SPAG8: variants seen among roughly 807,000 people sequenced by gnomAD.
The protein encoded by SPAG8 is sperm-associated antigen 8.
SPAG8 carries 36 observed loss-of-function variants against 45.3 expected under a neutral mutation model. The observed-to-expected ratio is 0.80, with a 90% CI of 0.61 to 1.05. SPAG8 has a LOEUF of 1.05. Ranked by LOEUF, SPAG8 falls within the 50% of genes least tolerant of loss-of-function variation. The pLI is 0.00. For missense variants in SPAG8, 573 were observed against 609.2 expected, an observed-to-expected ratio of 0.94 and a Z score of 0.63; for synonymous variants, 227 against 232.6, an observed-to-expected ratio of 0.98 and a Z score of 0.22.
Position 35,811,963 on chromosome 9 carries a change from G to C in SPAG8, c.83C>G (p.Pro28Arg), listed in dbSNP as rs768994129. Residue 28 changes from proline to arginine, a missense_variant, in exon 2 of 7, where the codon CCC (proline) becomes CGC (arginine). By Grantham distance (103) the Pro-to-Arg change is moderately radical (BLOSUM62 -2). Transcript: ENST00000396638. ...TGAAGAAGGAAACGGTTCCGAAGTG[G>C]GCCCCAGTCCTTCGGAGCTGGGCTG... ...DIQPSSEGLGPTSEPFPSSDD... is the reference protein window; with the variant it reads ...DIQPSSEGLGRTSEPFPSSDD... 3.5e-5 allele frequency: 56 copies of C among 1,599,842 alleles called. No homozygotes were observed. Among genetic ancestry groups the C allele is most frequent in the Non-Finnish European group, 4.6e-5 (54 of 1,170,180 alleles).
rs772058425 is a variant in SPAG8 at position 35,810,691 on chromosome 9, G to A, written c.1040-9C>T. 6.2e-7 allele frequency: 1 copy of A among 1,614,154 alleles called. No individual in the cohort carries two copies. Among genetic ancestry groups the A allele is most frequent in the South Asian group, 1.1e-5 (1 of 91,082 alleles). ...CATGGCTTCACGCTTCCCTGTGAGAGAGTTGGGGGGTGGGCAAGGTGGGGT... is the reference window on the plus strand; with the variant it reads ...CATGGCTTCACGCTTCCCTGTGAGAAAGTTGGGGGGTGGGCAAGGTGGGGT... On this transcript the variant is annotated splice_polypyrimidine_tract_variant and intron_variant, in intron 3 of 6. Transcript: ENST00000396638.
In SPAG8 at chr9:35,811,867, G is replaced by C. The variant is rs149894384; in HGVS notation, c.179C>G (p.Ala60Gly). ...AAAAAASAAA[A>G]TAAFTTAKAA... is the part of the protein sequence containing the mutation. Reference sequence around the variant, plus strand: ...TTTGGCAGTGGTGAAGGCTGCAGTAGCTGCAGCAGCTGATGCAGCCGCTGC... The same window carrying C: ...TTTGGCAGTGGTGAAGGCTGCAGTACCTGCAGCAGCTGATGCAGCCGCTGC... The change falls in exon 2 of 7, where the codon GCT becomes GGT. Residue 60 changes from alanine (A) to glycine (G), a missense_variant. Transcript: ENST00000396638. 111 of 1,610,440 alleles carry C rather than the reference G, an allele frequency of 6.9e-5. No individual in the cohort carries two copies. The highest frequency in any genetic ancestry group is 8.6e-5 in the Non-Finnish European group (101 of 1,177,398).
rs759196322 is a variant in SPAG8 at position 35,810,122 on chromosome 9, T to C, written c.1274A>G (p.Asn425Ser). 6.2e-7 allele frequency: 1 copy of C among 1,610,854 alleles called. No individual in the cohort carries two copies. Among genetic ancestry groups the C allele is most frequent in the Non-Finnish European group, 8.5e-7 (1 of 1,177,806 alleles). ...QRAPQLPGVSNIRTLDTPFRK... is the reference protein window; with the variant it reads ...QRAPQLPGVSSIRTLDTPFRK... Reference sequence around the variant, plus strand: ...GAATGGTGTGTCCAATGTCCTGATGTTACTGACACCCTGGAGGAGTGCCAG... The same window carrying C: ...GAATGGTGTGTCCAATGTCCTGATGCTACTGACACCCTGGAGGAGTGCCAG... Residue 425 changes from asparagine (N) to serine (S), a missense_variant, in exon 7 of 7, where the codon AAC becomes AGC. Transcript: ENST00000396638.
rs1828764779 is a variant in SPAG8, at chr9:35,811,039, C to A, written c.883G>T (p.Asp295Tyr). Residue 295 changes from aspartate (D) to tyrosine (Y), a missense_variant, in exon 3 of 7, where the codon GAT (aspartate) becomes TAT (tyrosine). By Grantham distance (160) the Asp-to-Tyr change is radical. Coordinates refer to ENST00000396638, the MANE Select transcript of SPAG8 (RefSeq NM_001039592.2). ...CCATCCTGCATGCTTGGGACTTGAT[C>A]CAGGTGGTTGGTGGCTCTCTGTGGA... ...WEEERATNHL[D>Y]QVPSMQDGSE... The A allele has an allele frequency of 1.9e-6, 3 of 1,613,468 alleles. No homozygotes were observed. Among genetic ancestry groups the A allele is most frequent in the Non-Finnish European group, 2.5e-6 (3 of 1,179,694 alleles).
downstream of SPAG8, among the ~76,000 whole-genome samples, chr9:35,807,864 T>TGG (rs1249476248): frequency 6.6e-6 from 1 of 152,246 alleles, no homozygotes; most frequent in Non-Finnish European, 1.5e-5. Flanking sequence ...GCTAACTGTG[T>TGG]GGCCTTAGGT....
In SPAG8 at chr9:35,812,224, G is replaced by A; in HGVS notation, c.-77C>T. On this transcript the variant is annotated 5_prime_UTR_variant, in exon 1 of 7. Transcript: ENST00000396638. The stretch of plus-strand genomic sequence containing the variant: ...GCCTGCGCAGAAGTACAGCTGGGCG[G>A]ACTTGCAGGTGGCGGTGGAGGCAAG... 1.4e-5 allele frequency: 21 copies of A among 1,541,450 alleles called. 1 individual carries two copies. Among genetic ancestry groups the A allele is most frequent in the Non-Finnish European group, 1.8e-5 (20 of 1,136,300 alleles).
chr9:35,809,748 C>G (rs1828667488), downstream of SPAG8: 1 of 1,455,956 alleles, frequency 6.9e-7, no homozygotes, highest in Non-Finnish European at 9.5e-7. This position sits in a 1 kb window ranked among gnomAD's most constrained non-coding sequence, Gnocchi z 4.1. Flanking sequence ...GGGATAGGGG[C>G]AATCCCAAGG....
chr9:35,809,177 C>A, downstream of SPAG8: 6 of 1,614,054 alleles, frequency 3.7e-6, no homozygotes, highest in Non-Finnish European at 5.1e-6. The surrounding 1 kb of genome is among the most constrained non-coding windows in gnomAD (Gnocchi z 4.1). Flanking sequence ...CATGTCTCCT[C>A]TACCACCAAG....
In SPAG8 at chr9:35,810,278, G is replaced by C. The variant is rs749749108; in HGVS notation, c.1232C>G (p.Thr411Ser). The change falls in exon 6 of 7, where the codon ACC becomes AGC. Residue 411 changes from threonine (T) to serine (S), a missense_variant. Physicochemically the swap from Thr to Ser is moderately conservative, Grantham distance 58. Coordinates refer to ENST00000396638, the MANE Select transcript of SPAG8 (RefSeq NM_001039592.2). ...CTGTGGTGCCCTCTGTATCCAGAAGGTCTCAGGTTGCTCCTGGCGGTAGTC... is the reference window on the plus strand; with the variant it reads ...CTGTGGTGCCCTCTGTATCCAGAAGCTCTCAGGTTGCTCCTGGCGGTAGTC... ...PHDYRQEQPETFWIQRAPQLP... is the reference protein window; with the variant it reads ...PHDYRQEQPESFWIQRAPQLP... 1.9e-6 allele frequency: 3 copies of C among 1,614,198 alleles called. No individual in the cohort carries two copies. Among genetic ancestry groups the C allele is most frequent in the Non-Finnish European group, 2.5e-6 (3 of 1,180,020 alleles).
chr9:35,810,873 C>T lies in SPAG8; in HGVS notation c.1039+10G>A. On this transcript the variant is annotated intron_variant, in intron 3 of 6. Coordinates refer to ENST00000396638, the MANE Select transcript of SPAG8 (RefSeq NM_001039592.2). ...GGGCTCGTTCTGGCCTACCCTCTCA[C>T]ATTTCACACCTCGAAGTGGCCAATA... The T allele has an allele frequency of 6.2e-7, 1 of 1,610,902 alleles. No homozygotes were observed. The highest frequency in any genetic ancestry group is 2.2e-5 in the East Asian group (1 of 44,866).
At chr9:35,808,045 T>C, downstream of SPAG8, 1 of 725,576 alleles carries the variant, frequency 1.4e-6, no homozygotes, top group Non-Finnish European at 2.4e-6. This position sits in a 1 kb window ranked among gnomAD's most constrained non-coding sequence, Gnocchi z 4.0. Context: ...TCACTGTGTA[T>C]TTCCTTAAAA....
rs1184283594 is a variant in SPAG8, at chr9:35,811,276, C to G, written c.770G>C (p.Gly257Ala). 6 of 1,613,790 alleles carry G rather than the reference C, an allele frequency of 3.7e-6. No homozygotes were observed. The African/African-American group carries it at 8.0e-5, about 22-fold the overall frequency. ...FLQVLEPGAR[G>A]LWKPPDIKGK... Reference sequence around the variant, plus strand: ...TTTAATGTCTGGGGGTTTCCATAGTCCTCGGGCACCCGGTTCTAAGACTTG... The same window carrying G: ...TTTAATGTCTGGGGGTTTCCATAGTGCTCGGGCACCCGGTTCTAAGACTTG... Residue 257 changes from glycine to alanine, a missense_variant, in exon 2 of 7, where the codon GGA becomes GCA. Physicochemically the swap from Gly to Ala is moderately conservative, Grantham distance 60 (BLOSUM62 0). Transcript: ENST00000396638.
In SPAG8 at chr9:35,809,934, C is replaced by T. The variant is rs769784817; in HGVS notation, c.*4G>A. On this transcript the variant is annotated 3_prime_UTR_variant, in exon 7 of 7. Coordinates refer to ENST00000396638, the MANE Select transcript of SPAG8 (RefSeq NM_001039592.2). The surrounding 1 kb of genome is among the most constrained non-coding windows in gnomAD (Gnocchi z 4.1). ...ATTCCATACCCCACTTCCCTCCTCA[C>T]CCCTCAGAAAGGAGTCATTCTCCCC... 14 of 1,564,764 alleles carry T rather than the reference C, an allele frequency of 8.9e-6. No individual in the cohort carries two copies. In the South Asian group the frequency reaches 1.6e-4, roughly 18 times the overall value.
At chr9:35,809,621 C>T (rs752167065), downstream of SPAG8, 3 of 1,134,514 alleles carry the variant, frequency 2.6e-6, no homozygotes, top group Non-Finnish European at 4.0e-6. This position sits in a 1 kb window ranked among gnomAD's most constrained non-coding sequence, Gnocchi z 4.1. Flanking sequence ...GTACATATAC[C>T]TGTCCCTCTC....
rs747437353 is a variant in SPAG8, at chr9:35,811,181, C to A, written c.864+1G>T. On this transcript the variant is annotated splice_donor_variant, in intron 2 of 6. Coordinates refer to ENST00000396638, the MANE Select transcript of SPAG8 (RefSeq NM_001039592.2). LOFTEE classifies it high-confidence loss of function. The stretch of plus-strand genomic sequence containing the variant: ...AAGGGAGCAGGCCAAAACTTTAATA[C>A]CTCTTCCTCCCAGTTGTAGAGGAGG... The A allele has an allele frequency of 6.4e-7, 1 of 1,559,214 alleles. No homozygotes were observed. Among genetic ancestry groups the A allele is most frequent in the Non-Finnish European group, 8.7e-7 (1 of 1,153,844 alleles).
At chr9:35,808,593 A>G (rs943921606), downstream of SPAG8, 3 of 1,614,148 alleles carry the variant, frequency 1.9e-6, no homozygotes, top group Non-Finnish European at 2.5e-6. This position sits in a 1 kb window ranked among gnomAD's most constrained non-coding sequence, Gnocchi z 4.0. Context: ...AATTGCTCGT[A>G]TGGCCCTAGC....
At chr9:35,809,594 C>T (rs977861184), downstream of SPAG8, 2 of 1,320,210 alleles carry the variant, frequency 1.5e-6, no homozygotes, top group Admixed American at 1.7e-5. The surrounding 1 kb of genome is among the most constrained non-coding windows in gnomAD (Gnocchi z 4.1). Context: ...AGTTGTAGCC[C>T]TCTGCAGCTC....
chr9:35,810,415 G>A lies in SPAG8; in HGVS notation c.1200+24C>T, dbSNP rs376134623. On this transcript the variant is annotated intron_variant, in intron 5 of 6. Coordinates refer to ENST00000396638, the MANE Select transcript of SPAG8 (RefSeq NM_001039592.2). ...TCAGAGCCCAGCTGGTGCAAGTGGC[G>A]GGGGATGGGGGGTGGGTTCTCACCT... 8.7e-5 allele frequency: 140 copies of A among 1,608,890 alleles called. No individual in the cohort carries two copies. The African/African-American group carries it at 1.7e-3, about 19-fold the overall frequency.
At position 35,812,244 on chromosome 9, in the gene SPAG8, G is replaced by C; in HGVS notation, c.-97C>G. The C allele has an allele frequency of 5.0e-6, 7 of 1,389,124 alleles. No individual in the cohort carries two copies. Among genetic ancestry groups the C allele is most frequent in the Non-Finnish European group, 7.0e-6 (7 of 1,005,298 alleles). The allele number at this position is 1,389,124 out of a possible 1,614,324, so 86.0% of individuals were successfully genotyped here. A position where few individuals can be genotyped will look rare whatever the true frequency, so the allele number is the denominator to read the frequency against. ...GGGCGGACTTGCAGGTGGCGGTGGA[G>C]GCAAGTCCTCTGCGGGGCGGAAGTC... is the stretch of plus-strand genomic sequence containing the variant. On this transcript the variant is annotated 5_prime_UTR_variant, in exon 1 of 7. Transcript: ENST00000396638.
Sources: gnomAD v4.1 joint callset for allele counts (sites outside exome capture counted in the v4.1 genomes callset) on GRCh38, gnomAD v4.1.1 for gene constraint, Gnocchi (gnomAD v3.1) non-coding constraint, MANE v1.5 for transcripts, NCBI Gene and HGNC (gene_info 2026-07-23, HGNC 2026-07-21) for gene names.